Variants in ECE1 observed in about 807,000 individuals in gnomAD.
ECE1 encodes the protein endothelin converting enzyme 1, also known as endothelin-converting enzyme 1.
Under a neutral mutation model 98.6 loss-of-function variants are expected in ECE1, and 35 were observed. That is an observed-to-expected ratio of 0.35 (90% CI 0.27 to 0.47). The LOEUF (loss-of-function observed/expected upper bound fraction) is 0.47, where lower values mean the gene tolerates loss of function less well. Among genes scored for constraint, ECE1 ranks in the 20% least tolerant of loss-of-function variants. The probability of loss-of-function intolerance (pLI) is 1.00; values close to 1 mark genes in which losing one functional copy is unlikely to be tolerated. For synonymous variants in ECE1, 394 were observed against 407.1 expected (o/e 0.97, Z 0.39); for missense variants, 814 against 1,025.3 (o/e 0.79, Z 2.81).
chr1:21,255,465 C>A (rs983870983), intron 8 of ECE1, among the ~76,000 whole-genome samples: 2 of 152,246 alleles, frequency 1.3e-5, no homozygotes, highest in Non-Finnish European at 2.9e-5. Context: ...ACAGATCTAA[C>A]GCCCTGTTGT....
chr1:21,319,638 C>T lies in ECE1; in HGVS notation c.3+25738G>A, dbSNP rs1337647381. On this transcript the variant is annotated intron_variant, in intron 1 of 18. Coordinates refer to the ECE1 transcript ENST00000415912. This position sits in a 1 kb window ranked among gnomAD's most constrained non-coding sequence, Gnocchi z 4.4. ...CCCCTCTGTGAACTGGGCAGGAAAG[C>T]CAGGCTCCATCCCTGTCCAACTCTC... 6.6e-5 allele frequency among the ~76,000 whole-genome samples: 10 copies of T among 152,118 alleles called. No homozygotes were observed. Among genetic ancestry groups the T allele is most frequent in the Admixed American group, 6.5e-4 (10 of 15,274 alleles).
At chr1:21,338,852 T>C (rs911582086) in intron 1 of ECE1, among the ~76,000 whole-genome samples, 1 of 152,116 alleles carries the variant, frequency 6.6e-6, no homozygotes. Context: ...GAGGTAAATA[T>C]TGACATGACT....
intron 5 of ECE1, among the ~76,000 whole-genome samples, chr1:21,259,988 G>C (rs530433929): frequency 6.6e-6 from 1 of 152,190 alleles, no homozygotes; most frequent in South Asian, 2.1e-4. Flanking sequence ...CCCACACACA[G>C]ATGCACAGAG....
chr1:21,266,841 C>T (rs2098234516), intron 4 of ECE1: 1 of 152,222 alleles, frequency 6.6e-6, no homozygotes, highest in African/African-American at 2.4e-5. Context: ...CCTGTCCTTT[C>T]CTGCAGGTTG....
chr1:21,230,360 A>G (rs975127533), intron 14 of ECE1, among the ~76,000 whole-genome samples: 11 of 152,122 alleles, frequency 7.2e-5, no homozygotes, highest in Non-Finnish European at 1.3e-4. Context: ...TTTCCCAACT[A>G]AATTCCTATG....
intron 1 of ECE1, among the ~76,000 whole-genome samples, chr1:21,303,735 G>A (rs969409963): frequency 6.6e-6 from 1 of 151,988 alleles, no homozygotes; most frequent in African/African-American, 2.4e-5. Flanking sequence ...TGCAACCTCC[G>A]ACTCCTAGGC....
At chr1:21,227,699 G>T (rs888955323) in intron 15 of ECE1, among the ~76,000 whole-genome samples, 1 of 152,146 alleles carries the variant, frequency 6.6e-6, no homozygotes, top group African/African-American at 2.4e-5. Flanking sequence ...TTTCCCTGAG[G>T]TAGGGCTCTT....
rs1383030050 is a variant in ECE1 at position 21,340,667 on chromosome 1, G to A, written c.3+4709C>T. 1.3e-5 allele frequency among the ~76,000 whole-genome samples: 2 copies of A among 152,044 alleles called. No homozygotes were observed. Among genetic ancestry groups the A allele is most frequent in the East Asian group, 1.9e-4 (1 of 5,164 alleles). On this transcript the variant is annotated intron_variant, in intron 1 of 18. Coordinates refer to the ECE1 transcript ENST00000415912. The surrounding 1 kb of genome is among the most constrained non-coding windows in gnomAD (Gnocchi z 4.6). ...CAGCCTGGGCAACATGGCGAAACCC[G>A]GTGTCTACTAAAAAAATACAGAAGT...
intron 9 of ECE1, 38 bp downstream of exon 9, chr1:21,247,183 G>C: frequency 2.5e-6 from 4 of 1,613,874 alleles, no homozygotes; most frequent in Admixed American, 1.7e-5. Context: ...AGGGCTGTCT[G>C]TGAGAGGCGT....
intron 14 of ECE1, 43 bp from the exon 15 acceptor site, chr1:21,228,084 A>G: frequency 1.3e-6 from 2 of 1,502,658 alleles, no homozygotes; most frequent in Non-Finnish European, 1.8e-6. Context: ...ACAGGGCGGG[A>G]GGCAGGTGGG....
At position 21,219,839 on chromosome 1, in the gene ECE1, T is replaced by G; in HGVS notation, c.*116A>C. The stretch of plus-strand genomic sequence containing the variant: ...TCGGTTCCGGCTGAAAACCCGCCAG[T>G]GTGAGGAAGCAGGGCCCCGGGTGGC... On this transcript the variant is annotated 3_prime_UTR_variant, in exon 19 of 19. Coordinates refer to ENST00000374893, the MANE Select transcript of ECE1 (RefSeq NM_001397.3). This position sits in a 1 kb window ranked among gnomAD's most constrained non-coding sequence, Gnocchi z 4.5. 7.3e-7 allele frequency: 1 copy of G among 1,361,226 alleles called. No homozygotes were observed. Among genetic ancestry groups the G allele is most frequent in the Non-Finnish European group, 1.0e-6 (1 of 976,166 alleles). 84.3% of individuals were successfully genotyped at this position (1,361,226 alleles called of 1,614,324 possible).
At chr1:21,316,129 T>C (rs1246419990) in intron 1 of ECE1, among the ~76,000 whole-genome samples, 1 of 152,224 alleles carries the variant, frequency 6.6e-6, no homozygotes, top group East Asian at 1.9e-4. Context: ...TTCTTGGTGC[T>C]GTTTACAGCA....
At chr1:21,241,581 C>A (rs144991024) in intron 10 of ECE1, among the ~76,000 whole-genome samples, 1 of 152,134 alleles carries the variant, frequency 6.6e-6, no homozygotes, top group South Asian at 2.1e-4. Context: ...TGTCACTACA[C>A]CTGGCTATTT....
chr1:21,294,700 C>T (rs1638303872), upstream of ECE1, among the ~76,000 whole-genome samples: 1 of 152,196 alleles, frequency 6.6e-6, no homozygotes, highest in African/African-American at 2.4e-5. The surrounding 1 kb of genome is among the most constrained non-coding windows in gnomAD (Gnocchi z 4.2). Flanking sequence ...ACCCCCTTTG[C>T]CCAGACGACA....
At chr1:21,311,504 C>T (rs1638722826) in intron 1 of ECE1, among the ~76,000 whole-genome samples, 1 of 55,404 alleles carries the variant, frequency 1.8e-5, no homozygotes. Flanking sequence ...GAGACCCTGT[C>T]TCCACAAAAA....
At chr1:21,259,007 T>C (rs1031416976) in intron 5 of ECE1, among the ~76,000 whole-genome samples, 168 bp from the exon 6 acceptor site, 1 of 152,078 alleles carries the variant, frequency 6.6e-6, no homozygotes, top group African/African-American at 2.4e-5. Context: ...TTCCGACCCA[T>C]GAGCTGGAGA....
At position 21,244,859 on chromosome 1, in the gene ECE1, G is replaced by C. The variant is rs1195344676; in HGVS notation, c.1278+130C>G. 3.6e-6 allele frequency: 3 copies of C among 828,560 alleles called. No individual in the cohort carries two copies. The African/African-American group carries it at 5.1e-5, about 14-fold the overall frequency. The allele number at this position is 828,560 out of a possible 1,614,324, so 51.3% of individuals were successfully genotyped here. On this transcript the variant is annotated intron_variant, in intron 10 of 18. Transcript: ENST00000374893. ...AGGACTCCTCTTTACCCTTTACTTG[G>C]CATAAGCACTCCTTCCGGAAGCTTC...
At chr1:21,276,026 CTTTTTTT>C (rs532213567) in intron 3 of ECE1, among the ~76,000 whole-genome samples, 61 of 91,270 alleles carry the variant, frequency 6.7e-4, no homozygotes, top group Non-Finnish European at 8.5e-4. Context: ...TTAATACGTG[CTTTTTTT>C]TTTTTTTTTT....
At chr1:21,313,976 T>C (rs1238993840) in intron 1 of ECE1, among the ~76,000 whole-genome samples, 1 of 152,060 alleles carries the variant, frequency 6.6e-6, no homozygotes, top group African/African-American at 2.4e-5. Context: ...GTAGGGGCAA[T>C]GATGACAGTG....
Sources: gnomAD v4.1 joint callset for allele counts (sites outside exome capture counted in the v4.1 genomes callset) on GRCh38, gnomAD v4.1.1 for gene constraint, Gnocchi (gnomAD v3.1) non-coding constraint, MANE v1.5 for transcripts, NCBI Gene and HGNC (gene_info 2026-07-23, HGNC 2026-07-21) for gene names.